The following CLIC4 variants were observed in gnomAD, a reference collection of about 807,000 sequenced individuals.
The protein encoded by CLIC4 is CLIC family member 4, also known as chloride intracellular channel protein 4.
In CLIC4, 13 loss-of-function variants were observed where a neutral mutation model predicts 24.6. The observed-to-expected ratio is 0.53, with a 90% confidence interval of 0.34 to 0.84. The LOEUF (loss-of-function observed/expected upper bound fraction) is 0.84. Among genes scored for constraint, CLIC4 ranks in the 40% least tolerant of loss-of-function variants. CLIC4 has a pLI of 0.01. For synonymous variants in CLIC4, 104 were observed against 111.3 expected (o/e 0.93, Z 0.41); for missense variants, 227 against 301.7 (o/e 0.75, Z 1.83).
rs1325178477 is a variant in CLIC4, at chr1:24,820,081, A to G, written c.308+5862A>G. Among the ~76,000 whole-genome samples, 537 of 92,048 alleles carry G rather than the reference A, an allele frequency of 5.8e-3. 47 individuals are homozygous for G. The highest frequency in any genetic ancestry group is 0.018 in the African/African-American group (518 of 28,280). The allele number at this position is 92,048 out of a possible 152,430, so 60.4% of individuals were successfully genotyped here. A position where few individuals can be genotyped will look rare whatever the true frequency, so the allele number is the denominator to read the frequency against. Reference sequence around the variant, plus strand: ...AAAAAAAGTATGTATATATATATGTATATATATATATATATAGACAGTATC... The same window carrying G: ...AAAAAAAGTATGTATATATATATGTGTATATATATATATATAGACAGTATC... On this transcript the variant is annotated intron_variant, in intron 3 of 5. Coordinates refer to ENST00000374379, the MANE Select transcript of CLIC4 (RefSeq NM_013943.3).
chr1:24,787,629 C>T lies in CLIC4; in HGVS notation c.73-10113C>T, dbSNP rs571242718. On this transcript the variant is annotated intron_variant, in intron 1 of 5. Coordinates refer to ENST00000374379, the MANE Select transcript of CLIC4 (RefSeq NM_013943.3). ...TCTGCTCACTGCAAGCTCCGCCTCC[C>T]GTGTTCACGCATTCTCCTGCCTCAG... 7.9e-3 allele frequency among the ~76,000 whole-genome samples: 1,194 copies of T among 151,856 alleles called. 10 individuals carry two copies. Among genetic ancestry groups the T allele is most frequent in the African/African-American group, 0.027 (1,111 of 41,408 alleles).
At chr1:24,835,182 A>G (rs1204223556) in intron 4 of CLIC4, among the ~76,000 whole-genome samples, 3 of 152,222 alleles carry the variant, frequency 2.0e-5, no homozygotes, top group Non-Finnish European at 4.4e-5. Context: ...ATGATCCTTT[A>G]ATAATAAAAT....
chr1:24,775,241 T>TTTTCTTTTTTTTTTTTTTTG, intron 1 of CLIC4, among the ~76,000 whole-genome samples: 1 of 148,382 alleles, frequency 6.7e-6, no homozygotes, highest in Non-Finnish European at 1.5e-5. Flanking sequence ...TTTTTTTTTT[T>TTTTCTTTTTTTTTTTTTTTG]TTTGCTTTTC....
intron 3 of CLIC4, among the ~76,000 whole-genome samples, chr1:24,823,628 G>A (rs1476849307): frequency 6.6e-6 from 1 of 152,032 alleles, no homozygotes; most frequent in Non-Finnish European, 1.5e-5. Flanking sequence ...CAAAAAATTA[G>A]CTGGGCGTGG....
At chr1:24,810,858 G>A (rs958928251) in intron 2 of CLIC4, among the ~76,000 whole-genome samples, 1 of 151,836 alleles carries the variant, frequency 6.6e-6, no homozygotes, top group Non-Finnish European at 1.5e-5. Flanking sequence ...GGCCGAGGTG[G>A]GCGGATCATG....
At chr1:24,808,017 CT>C (rs1639571155) in intron 2 of CLIC4, among the ~76,000 whole-genome samples, 1 of 150,578 alleles carries the variant, frequency 6.6e-6, no homozygotes, top group Non-Finnish European at 1.5e-5. Context: ...ATGGCACAAT[CT>C]CAGCTCACTG....
chr1:24,768,613 T>A (rs994295626), intron 1 of CLIC4, among the ~76,000 whole-genome samples: 1 of 152,162 alleles, frequency 6.6e-6, no homozygotes, highest in Non-Finnish European at 1.5e-5. Context: ...ATGATAAAGC[T>A]TAAAACATTA....
intron 2 of CLIC4, among the ~76,000 whole-genome samples, chr1:24,799,278 T>G (rs1639444548): frequency 6.9e-6 from 1 of 144,264 alleles, no homozygotes; most frequent in Non-Finnish European, 1.5e-5. Context: ...GTCTGAGATG[T>G]GGGGAGCGCC....
In CLIC4 at chr1:24,842,325, A is replaced by G. The variant is rs1371752180; in HGVS notation, c.*1388A>G. ...TGCTATGTATTTACTCTTTTTTAAAAGACAAAAGCAAAACCAGACTTTCTA... is the reference window on the plus strand; with the variant it reads ...TGCTATGTATTTACTCTTTTTTAAAGGACAAAAGCAAAACCAGACTTTCTA... On this transcript the variant is annotated 3_prime_UTR_variant, in exon 6 of 6. Coordinates refer to ENST00000374379, the MANE Select transcript of CLIC4 (RefSeq NM_013943.3). 1.3e-5 allele frequency: 2 copies of G among 152,196 alleles called. No homozygotes were observed. Among genetic ancestry groups the G allele is most frequent in the Non-Finnish European group, 2.9e-5 (2 of 68,032 alleles). 9.4% of individuals were successfully genotyped at this position (152,196 alleles called of 1,614,324 possible). A position where few individuals can be genotyped will look rare whatever the true frequency, so the allele number is the denominator to read the frequency against.
chr1:24,757,095 A>T (rs1053946640), intron 1 of CLIC4, among the ~76,000 whole-genome samples: 1 of 151,912 alleles, frequency 6.6e-6, no homozygotes, highest in Non-Finnish European at 1.5e-5. Context: ...GGGTTTCTCC[A>T]TGTTGGTCAA....
rs535880414 is a variant in CLIC4, at chr1:24,800,347, G to A, written c.182+2496G>A. 5.0e-4 allele frequency among the ~76,000 whole-genome samples: 64 copies of A among 127,692 alleles called. 1 individual carries two copies. The East Asian group carries it at 8.2e-3, about 16-fold the overall frequency. The allele number at this position is 127,692 out of a possible 152,430, so 83.8% of individuals were successfully genotyped here. On this transcript the variant is annotated intron_variant, in intron 2 of 5. Transcript: ENST00000374379. ...CCGCCCCGTCCGGGAGGGAGGTGGG[G>A]GGGTCAGCCCCCCACCCGGCCAGCC...
chr1:24,757,152 C>T (rs1173972408), intron 1 of CLIC4, among the ~76,000 whole-genome samples: 3 of 152,082 alleles, frequency 2.0e-5, no homozygotes, highest in Non-Finnish European at 4.4e-5. Flanking sequence ...GCCTCGGCCT[C>T]CCAAAGTTCT....
At chr1:24,808,589 G>A (rs536698292) in intron 2 of CLIC4, among the ~76,000 whole-genome samples, 1 of 150,168 alleles carries the variant, frequency 6.7e-6, no homozygotes, top group East Asian at 2.0e-4. Flanking sequence ...ATCATGGCTC[G>A]CCTCAGCCTT....
intron 1 of CLIC4, chr1:24,771,958 C>T (rs1639075810): frequency 2.3e-6 from 1 of 443,106 alleles, no homozygotes; most frequent in East Asian, 6.6e-5. Flanking sequence ...TAGCCTTAGG[C>T]TTGGCTTAAG....
In CLIC4 at chr1:24,840,778, G is replaced by A; in HGVS notation, c.603G>A (p.Val201=). 6.2e-7 allele frequency: 1 copy of A among 1,604,018 alleles called. No individual in the cohort carries two copies. Among genetic ancestry groups the A allele is most frequent in the African/African-American group, 1.3e-5 (1 of 74,510 alleles). Residue 201 remains valine (V), a synonymous_variant, in exon 6 of 6, where the codon GTG becomes GTA. Transcript: ENST00000374379. ...LLPKLHIVKV[V]AKKYRNFDIP... ...TTGATCTCTTTGTATTTCAGGTGGT[G>A]GCCAAAAAATATCGCAACTTTGATA...
intron 5 of CLIC4, 70 bp downstream of exon 5, chr1:24,840,111 T>G: frequency 7.0e-7 from 1 of 1,419,976 alleles, no homozygotes; most frequent in Non-Finnish European, 9.7e-7. Flanking sequence ...GCATTTCCTT[T>G]GTGCTCAAAA....
chr1:24,827,341 T>C (rs925650369), intron 4 of CLIC4, among the ~76,000 whole-genome samples: 1 of 152,240 alleles, frequency 6.6e-6, no homozygotes, highest in South Asian at 2.1e-4. Context: ...ATAGTAAGTG[T>C]GTGATAAAAT....
At chr1:24,817,587 G>C (rs1639684402) in intron 3 of CLIC4, among the ~76,000 whole-genome samples, 1 of 152,152 alleles carries the variant, frequency 6.6e-6, no homozygotes, top group Admixed American at 6.5e-5. Flanking sequence ...TGGCAATAAA[G>C]CTGTTTTTCT....
intron 3 of CLIC4, among the ~76,000 whole-genome samples, chr1:24,826,484 G>T (rs536652890): frequency 1.5e-4 from 23 of 152,290 alleles, no homozygotes; most frequent in African/African-American, 5.3e-4. Context: ...GAGAAGGCGC[G>T]TGAGCTGTGC....
Sources: allele counts gnomAD v4.1 joint callset (sites outside exome capture counted in the v4.1 genomes callset), GRCh38; gene constraint gnomAD v4.1.1; transcripts MANE v1.5; gene names NCBI Gene and HGNC (gene_info 2026-07-23, HGNC 2026-07-21).